DCST1: variants seen among roughly 807,000 people sequenced by gnomAD.
DCST1 encodes the protein E3 ubiquitin-protein ligase DCST1.
In DCST1, 78 loss-of-function variants were observed where a neutral mutation model predicts 89.1. That is an observed-to-expected ratio of 0.88 (90% CI 0.73 to 1.06). The LOEUF (loss-of-function observed/expected upper bound fraction) is 1.06, where lower values mean the gene tolerates loss of function less well. Among genes scored for constraint, DCST1 ranks in the 50% least tolerant of loss-of-function variants. The pLI is 0.00. For missense variants in DCST1, 900 were observed against 928.6 expected, an observed-to-expected ratio of 0.97 and a Z score of 0.40; for synonymous variants, 364 against 371.9, an observed-to-expected ratio of 0.98 and a Z score of 0.24.
intron 10 of DCST1, chr1:155,045,569 GCCTGTCCCTA>G: frequency 2.6e-6 from 1 of 383,798 alleles, no homozygotes; most frequent in South Asian, 2.5e-5. Flanking sequence ...TAAGATGCAT[GCCTGTCCCTA>G]CCTCAGATGC....
intron 4 of DCST1, among the ~76,000 whole-genome samples, chr1:155,035,835 C>T (rs983310444): frequency 6.6e-6 from 1 of 151,968 alleles, no homozygotes; most frequent in South Asian, 2.1e-4. Context: ...GAGGCTGAGG[C>T]AGGAGGCTTG....
chr1:155,049,233 T>C lies in DCST1; in HGVS notation c.1869+1063T>C, dbSNP rs931627941. The C allele has an allele frequency of 2.7e-5, 16 of 583,022 alleles. No individual in the cohort carries two copies. In the Admixed American group the frequency reaches 3.7e-4, roughly 13 times the overall value. 36.1% of individuals were successfully genotyped at this position (583,022 alleles called of 1,614,324 possible). A position where few individuals can be genotyped will look rare whatever the true frequency, so the allele number is the denominator to read the frequency against. On this transcript the variant is annotated intron_variant, in intron 16 of 16. Transcript: ENST00000295542. ...CCATAAAATGGGGTTAACTACTCCA[T>C]CTGGTTGTTTTAAGGATTAAATGAG...
intron 4 of DCST1, chr1:155,035,338 T>G (rs1323792443): frequency 6.5e-6 from 1 of 153,212 alleles, no homozygotes; most frequent in South Asian, 2.0e-4. Context: ...ATTTTTGTAT[T>G]TTTAGTAGAG....
Position 155,034,088 on chromosome 1 carries a change from C to T in DCST1, c.52C>T (p.Pro18Ser). 6.2e-7 allele frequency: 1 copy of T among 1,614,092 alleles called. No individual in the cohort carries two copies. Among genetic ancestry groups the T allele is most frequent in the African/African-American group, 1.3e-5 (1 of 75,018 alleles). ...CACAAGAGGGCAAAGAAGAAAACAG[C>T]CTCATACCAGTGAGTCACTCAGCAG... is the stretch of plus-strand genomic sequence containing the variant. Reference protein sequence around the residue: ...NGTRGQRRKQPHTTVQRLLTW... With the variant: ...NGTRGQRRKQSHTTVQRLLTW... The change falls in exon 2 of 17, where the codon CCT becomes TCT. Residue 18 changes from proline (P) to serine (S), a missense_variant. Transcript: ENST00000295542.
intron 10 of DCST1, among the ~76,000 whole-genome samples, chr1:155,043,904 C>G (rs572028828): frequency 6.6e-6 from 1 of 152,324 alleles, no homozygotes; most frequent in African/African-American, 2.4e-5. Flanking sequence ...AGCGACTTTC[C>G]CTCCATTTAG....
chr1:155,034,223 C>T, intron 2 of DCST1, 126 bp downstream of exon 2: 1 of 1,514,880 alleles, frequency 6.6e-7, no homozygotes, highest in Non-Finnish European at 9.1e-7. Context: ...TGGTCTAGTG[C>T]CTCCCGCCTC....
chr1:155,043,525 CA>C lies in DCST1; in HGVS notation c.1172+17del, dbSNP rs1660505089. The C allele has an allele frequency of 6.4e-7, 1 of 1,560,050 alleles. No individual in the cohort carries two copies. The highest frequency in any genetic ancestry group is 8.7e-7 in the Non-Finnish European group (1 of 1,151,424). ...TCCTGCATGCGTGAGCCATAGTCCC[CA>C]CCCCAGCAGCCCCTCCTCTGCCCCG... On this transcript the variant is annotated intron_variant, in intron 10 of 16. Transcript: ENST00000295542.
At position 155,043,421 on chromosome 1, in the gene DCST1, T is replaced by C; in HGVS notation, c.1084T>C (p.Tyr362His). Reference sequence around the variant, plus strand: ...GCGCGTGAGCACCGAGGTGCGGGACTACGTGTACCGCCAGGAGGCCCGGCT... The same window carrying C: ...GCGCGTGAGCACCGAGGTGCGGGACCACGTGTACCGCCAGGAGGCCCGGCT... ...WERVSTEVRD[Y>H]VYRQEARLEW... The change falls in exon 10 of 17, where the codon TAC becomes CAC. Residue 362 changes from tyrosine to histidine, a missense_variant. Physicochemically the swap from Tyr to His is moderately conservative, Grantham distance 83 (BLOSUM62 2). Coordinates refer to ENST00000295542, the MANE Select transcript of DCST1 (RefSeq NM_152494.4). The C allele has an allele frequency of 6.2e-7, 1 of 1,611,488 alleles. No homozygotes were observed. The highest frequency in any genetic ancestry group is 8.5e-7 in the Non-Finnish European group (1 of 1,178,324).
intron 10 of DCST1, chr1:155,045,659 C>T (rs1271358615): frequency 1.1e-5 from 6 of 550,286 alleles, no homozygotes; most frequent in South Asian, 1.0e-4. Flanking sequence ...CCCCTACTCA[C>T]TTCTGCTATG....
chr1:155,044,329 C>T (rs187348460), intron 10 of DCST1, among the ~76,000 whole-genome samples: 1 of 151,946 alleles, frequency 6.6e-6, no homozygotes. Context: ...AAAAAATGAA[C>T]AAAATCAGCC....
chr1:155,040,460 G>T (rs1256642330), intron 5 of DCST1, 25 bp from the exon 6 acceptor site: 12 of 1,590,298 alleles, frequency 7.5e-6, no homozygotes, highest in Non-Finnish European at 1.0e-5. Flanking sequence ...ACAGGGAGGT[G>T]ACCAACCAGG....
Position 155,050,500 on chromosome 1 carries a change from G to A in DCST1, c.1870-117G>A. The A allele has an allele frequency of 2.9e-6, 4 of 1,385,676 alleles. No homozygotes were observed. In the South Asian group the frequency reaches 5.9e-5, roughly 21 times the overall value. The allele number at this position is 1,385,676 out of a possible 1,614,324, so 85.8% of individuals were successfully genotyped here. On this transcript the variant is annotated intron_variant, in intron 16 of 16. Transcript: ENST00000295542. ...CCAGGGGTTTCCTTTGTCCAACCCA[G>A]CCTCCTCCAACACGCGGGAATTGTC...
At chr1:155,041,264 C>T in intron 6 of DCST1, 133 bp from the exon 7 acceptor site, 3 of 886,408 alleles carry the variant, frequency 3.4e-6, no homozygotes, top group Non-Finnish European at 5.2e-6. Flanking sequence ...GAGGCTGTGT[C>T]TCAGGGCCTA....
chr1:155,041,511 G>C lies in DCST1; in HGVS notation c.646G>C (p.Gly216Arg). 2 of 1,614,070 alleles carry C rather than the reference G, an allele frequency of 1.2e-6. No homozygotes were observed. Among genetic ancestry groups the C allele is most frequent in the Non-Finnish European group, 1.7e-6 (2 of 1,180,028 alleles). ...CACGCCTGAGGATACCATGGACTCA[G>C]GGGAGACAGCCCAGGGCAGGGAGGC... The part of the protein sequence containing the change: ...GYTPEDTMDS[G>R]ETAQGREARQ... The change falls in exon 7 of 17, where the codon GGG becomes CGG. Residue 216 changes from glycine (G) to arginine (R), a missense_variant. Gly to Arg is a moderately radical substitution (Grantham distance 125, BLOSUM62 -2). Transcript: ENST00000295542.
At chr1:155,038,568 A>C (rs922514850) in intron 4 of DCST1, among the ~76,000 whole-genome samples, 9 of 152,162 alleles carry the variant, frequency 5.9e-5, no homozygotes, top group Non-Finnish European at 1.2e-4. Flanking sequence ...CATTGGGTGA[A>C]CATTCCATCA....
chr1:155,045,179 T>C (rs1457279346), intron 10 of DCST1: 1 of 152,428 alleles, frequency 6.6e-6, no homozygotes, highest in Non-Finnish European at 1.5e-5. Flanking sequence ...AGCAATAGCA[T>C]TGAAACTAAT....
intron 16 of DCST1, 67 bp from the exon 17 acceptor site, chr1:155,050,550 A>ACG: frequency 1.4e-6 from 2 of 1,479,816 alleles, no homozygotes; most frequent in Non-Finnish European, 1.8e-6. Context: ...CAGACAGGAA[A>ACG]CGCTGTCCAG....
chr1:155,044,874 C>T (rs961007151), intron 10 of DCST1, among the ~76,000 whole-genome samples: 5 of 151,582 alleles, frequency 3.3e-5, no homozygotes, highest in Non-Finnish European at 5.9e-5. Context: ...GAGCCTGGCC[C>T]GGGTAGAGCA....
In DCST1 at chr1:155,043,432, C is replaced by A. The variant is rs1444978623; in HGVS notation, c.1095C>A (p.Arg365=). The A allele has an allele frequency of 5.0e-6, 8 of 1,613,352 alleles. No homozygotes were observed. In the Admixed American group the frequency reaches 6.7e-5, roughly 13 times the overall value. ...CCGAGGTGCGGGACTACGTGTACCG[C>A]CAGGAGGCCCGGCTGGAGTGGGCCC... ...VSTEVRDYVY[R]QEARLEWALG... is the part of the protein sequence containing the mutation. The change falls in exon 10 of 17, where the codon CGC becomes CGA. Residue 365 remains arginine, a synonymous_variant. Coordinates refer to ENST00000295542, the MANE Select transcript of DCST1 (RefSeq NM_152494.4).
Sources: allele counts gnomAD v4.1 joint callset (sites outside exome capture counted in the v4.1 genomes callset), GRCh38; gene constraint gnomAD v4.1.1; transcripts MANE v1.5; gene names NCBI Gene and HGNC (gene_info 2026-07-23, HGNC 2026-07-21).